The following CMIP variants were observed in gnomAD, a reference collection of about 807,000 sequenced individuals.
CMIP encodes the protein C-Maf-inducing protein.
Under a neutral mutation model 97.3 loss-of-function variants are expected in CMIP, and 13 were observed. That is an observed-to-expected ratio of 0.13 (90% CI 0.09 to 0.21). The LOEUF (loss-of-function observed/expected upper bound fraction) is 0.21. Ranked by LOEUF, CMIP falls within the 10% of genes least tolerant of loss-of-function variation. The pLI, the probability that CMIP is intolerant of heterozygous loss-of-function variation, is 1.00. For synonymous variants in CMIP, 538 were observed against 436.3 expected (o/e 1.23, Z -2.91); for missense variants, 847 against 1,024.9 (o/e 0.83, Z 2.37).
At chr16:81,640,770 G>GTGTGTGTGTGTGTGTA (rs376370488) in intron 3 of CMIP, among the ~76,000 whole-genome samples, 1 of 135,592 alleles carries the variant, frequency 7.4e-6, no homozygotes, top group African/African-American at 2.8e-5. Flanking sequence ...GTGTGTGTGT[G>GTGTGTGTGTGTGTGTA]TCTCTCTCTC....
At chr16:81,705,063 T>C (rs1907977467) in intron 18 of CMIP, among the ~76,000 whole-genome samples, 1 of 152,070 alleles carries the variant, frequency 6.6e-6, no homozygotes, top group Admixed American at 6.5e-5. Flanking sequence ...TGAAGGGGCC[T>C]TCACTGCACA....
intron 1 of CMIP, among the ~76,000 whole-genome samples, chr16:81,544,369 G>A (rs930188156): frequency 4.6e-5 from 7 of 152,228 alleles, no homozygotes; most frequent in African/African-American, 1.7e-4. Flanking sequence ...GCGTGAACAC[G>A]TGAGGGCATT....
At chr16:81,515,763 C>T (rs943972169) in intron 1 of CMIP, among the ~76,000 whole-genome samples, 13 of 152,258 alleles carry the variant, frequency 8.5e-5, no homozygotes, top group South Asian at 8.3e-4. Flanking sequence ...TGGGTGTGGT[C>T]GGGAGCCAAT....
At chr16:81,625,749 C>T (rs895148026) in intron 3 of CMIP, among the ~76,000 whole-genome samples, 15 of 152,322 alleles carry the variant, frequency 9.8e-5, no homozygotes, top group Admixed American at 6.5e-4. Context: ...AGAGGAGCCC[C>T]GAGAAGCCAG....
chr16:81,488,377 A>G (rs543834860), intron 1 of CMIP, among the ~76,000 whole-genome samples: 4 of 152,216 alleles, frequency 2.6e-5, no homozygotes, highest in South Asian at 2.1e-4. Context: ...TGGGCATAAT[A>G]GTGTCTACCT....
chr16:81,491,034 C>T (rs1315637684), intron 1 of CMIP, among the ~76,000 whole-genome samples: 1 of 152,286 alleles, frequency 6.6e-6, no homozygotes, highest in Non-Finnish European at 1.5e-5. Flanking sequence ...GACTGCTTGA[C>T]TGCATAGCCT....
chr16:81,598,968 C>CAAAAAAAAAAAAAAAAAAAA (rs141717317), intron 1 of CMIP, among the ~76,000 whole-genome samples: 11 of 49,850 alleles, frequency 2.2e-4, no homozygotes, highest in East Asian at 1.8e-3. Flanking sequence ...GACTCTGTCT[C>CAAAAAAAAAAAAAAAAAAAA]AAAAAAAAAA....
chr16:81,635,589 G>A (rs999173761), intron 3 of CMIP, among the ~76,000 whole-genome samples: 3 of 152,192 alleles, frequency 2.0e-5, no homozygotes, highest in African/African-American at 7.2e-5. Flanking sequence ...TCTGTATCGT[G>A]TTGGTGCAAA....
chr16:81,567,314 G>C (rs2150882236), intron 1 of CMIP, among the ~76,000 whole-genome samples: 1 of 152,394 alleles, frequency 6.6e-6, no homozygotes, highest in East Asian at 1.9e-4. Context: ...CATGCAGTGA[G>C]ACACCGCTGC....
At chr16:81,557,044 G>C (rs1032402740) in intron 1 of CMIP, among the ~76,000 whole-genome samples, 2 of 152,216 alleles carry the variant, frequency 1.3e-5, no homozygotes, top group Admixed American at 6.5e-5. Context: ...CAGCATCAGA[G>C]ACCAATGATG....
intron 1 of CMIP, among the ~76,000 whole-genome samples, chr16:81,480,494 C>T (rs1013562313): frequency 5.3e-5 from 8 of 152,244 alleles, no homozygotes; most frequent in South Asian, 2.1e-4. Flanking sequence ...GAGCCAAGAT[C>T]GTGCCACTGC....
At chr16:81,573,812 A>G (rs991527642) in intron 1 of CMIP, among the ~76,000 whole-genome samples, 6 of 152,220 alleles carry the variant, frequency 3.9e-5, no homozygotes, top group Non-Finnish European at 8.8e-5. Flanking sequence ...TAAGTGAGTT[A>G]ATGTGCTTAA....
chr16:81,707,633 G>A (rs780257788), intron 20 of CMIP, among the ~76,000 whole-genome samples: 86 of 152,372 alleles, frequency 5.6e-4, no homozygotes, highest in Non-Finnish European at 1.1e-3. Context: ...GCGCTGCACC[G>A]GCACTAGGCC....
chr16:81,495,072 A>G (rs539607490), intron 1 of CMIP, among the ~76,000 whole-genome samples: 41 of 152,180 alleles, frequency 2.7e-4, no homozygotes, highest in Admixed American at 5.9e-4. Context: ...ACATTAGGTG[A>G]CCTCTCTGAG....
intron 1 of CMIP, among the ~76,000 whole-genome samples, chr16:81,582,495 C>T (rs1467839728): frequency 6.6e-6 from 1 of 152,124 alleles, no homozygotes; most frequent in South Asian, 2.1e-4. Flanking sequence ...GTCCAGTGGG[C>T]TGGGTTTTCA....
intron 10 of CMIP, among the ~76,000 whole-genome samples, chr16:81,683,133 A>G (rs1905041502): frequency 6.6e-6 from 1 of 152,146 alleles, no homozygotes; most frequent in South Asian, 2.1e-4. Context: ...TGGTCCCTGT[A>G]CTCAGTCCCT....
intron 1 of CMIP, among the ~76,000 whole-genome samples, chr16:81,554,224 C>T (rs974695332): frequency 3.9e-5 from 6 of 152,308 alleles, no homozygotes; most frequent in Middle Eastern, 3.4e-3. Flanking sequence ...TGAGTTTTAT[C>T]TCTGAATTAA....
At chr16:81,461,039 C>T (rs1024122549) in intron 1 of CMIP, among the ~76,000 whole-genome samples, 2 of 152,192 alleles carry the variant, frequency 1.3e-5, no homozygotes, top group African/African-American at 4.8e-5. Context: ...CAGGTTTGAG[C>T]CCAGATGCGA....
chr16:81,551,019 T>TC (rs1567574141), intron 1 of CMIP, among the ~76,000 whole-genome samples: 5 of 134,378 alleles, frequency 3.7e-5, no homozygotes, highest in Admixed American at 7.2e-5. Flanking sequence ...CGCACCCCAG[T>TC]TCATCACACG....
Sources: allele counts gnomAD v4.1 joint callset (sites outside exome capture counted in the v4.1 genomes callset), GRCh38; gene constraint gnomAD v4.1.1; transcripts MANE v1.5; gene names NCBI Gene and HGNC (gene_info 2026-07-23, HGNC 2026-07-21).